PPP3CA: variants seen among roughly 807,000 people sequenced by gnomAD.
PPP3CA encodes the protein protein phosphatase 3 catalytic subunit alpha.
A neutral mutation model predicts 66.5 loss-of-function variants in PPP3CA; 14 were observed. The observed-to-expected ratio is 0.21, with a 90% CI of 0.14 to 0.33. The LOEUF (loss-of-function observed/expected upper bound fraction) is 0.33, where lower values mean the gene tolerates loss of function less well. PPP3CA is among the 10% of genes least tolerant of loss of function. PPP3CA has a pLI of 1.00. For missense variants in PPP3CA, 317 were observed against 639.5 expected (o/e 0.50, Z 5.44); for synonymous variants, 232 against 226.2 (o/e 1.03, Z -0.23).
chr4:101,228,391 TA>T (rs1261533948), intron 1 of PPP3CA, among the ~76,000 whole-genome samples: 1 of 151,510 alleles, frequency 6.6e-6, no homozygotes, highest in Non-Finnish European at 1.5e-5. Context: ...CCATAGCATA[TA>T]AATTTTTATA....
chr4:101,310,556 C>A (rs552787136), intron 1 of PPP3CA, among the ~76,000 whole-genome samples: 1 of 152,204 alleles, frequency 6.6e-6, no homozygotes, highest in Non-Finnish European at 1.5e-5. Flanking sequence ...ACCCATAGTT[C>A]TAGCTACTCA....
chr4:101,127,856 G>C (rs1443966579), intron 2 of PPP3CA, among the ~76,000 whole-genome samples: 1 of 152,200 alleles, frequency 6.6e-6, no homozygotes, highest in East Asian at 1.9e-4. Flanking sequence ...CATAGGAGGT[G>C]AGTACAAGTA....
chr4:101,346,727 C>A lies in PPP3CA; in HGVS notation c.58+12G>T. The A allele has an allele frequency of 6.2e-7, 1 of 1,609,034 alleles. No individual in the cohort carries two copies. The highest frequency in any genetic ancestry group is 8.5e-7 in the Non-Finnish European group (1 of 1,178,108). ...ACACGGTGCACCCAGGCCACCGCGG[C>A]GCTCCGCTTACCTTTCACCACCCTG... On this transcript the variant is annotated intron_variant, in intron 1 of 13. Coordinates refer to ENST00000394854, the MANE Select transcript of PPP3CA (RefSeq NM_000944.5).
chr4:101,199,982 C>T (rs1358140413), intron 1 of PPP3CA, among the ~76,000 whole-genome samples: 2 of 152,126 alleles, frequency 1.3e-5, no homozygotes, highest in Non-Finnish European at 2.9e-5. Flanking sequence ...TCCTAGCCCT[C>T]ATTCTGGCTG....
chr4:101,074,869 T>A (rs1183730245), intron 8 of PPP3CA, among the ~76,000 whole-genome samples: 2 of 152,234 alleles, frequency 1.3e-5, no homozygotes, highest in Admixed American at 1.3e-4. Context: ...TAGTCTGTTC[T>A]CACGCTGCTA....
chr4:101,095,800 C>T (rs1367470560), intron 5 of PPP3CA, among the ~76,000 whole-genome samples: 1 of 151,974 alleles, frequency 6.6e-6, no homozygotes, highest in Non-Finnish European at 1.5e-5. Flanking sequence ...TACAGGCGCG[C>T]GCCACCATGC....
At chr4:101,263,592 A>G (rs1384587242) in intron 1 of PPP3CA, among the ~76,000 whole-genome samples, 1 of 105,518 alleles carries the variant, frequency 9.5e-6, no homozygotes, top group Non-Finnish European at 2.3e-5. Flanking sequence ...TTTGATATCT[A>G]GTGTTTTTTT....
chr4:101,069,412 T>A (rs931384123), intron 8 of PPP3CA, among the ~76,000 whole-genome samples: 3 of 152,232 alleles, frequency 2.0e-5, no homozygotes, highest in Non-Finnish European at 4.4e-5. Flanking sequence ...TCTCAACCTC[T>A]ATATACTTTA....
chr4:101,045,616 T>C (rs1303362806), intron 10 of PPP3CA, among the ~76,000 whole-genome samples: 12 of 152,142 alleles, frequency 7.9e-5, no homozygotes, highest in Non-Finnish European at 1.8e-4. Context: ...GGTCAGATGA[T>C]GGGTAAGAAG....
chr4:101,167,557 A>T (rs1723732398), intron 2 of PPP3CA, among the ~76,000 whole-genome samples: 1 of 152,200 alleles, frequency 6.6e-6, no homozygotes, highest in Non-Finnish European at 1.5e-5. Context: ...AGGCAGAAAG[A>T]TAACTAATAA....
chr4:101,051,231 G>T (rs1306709902), intron 10 of PPP3CA, among the ~76,000 whole-genome samples: 1 of 152,074 alleles, frequency 6.6e-6, no homozygotes, highest in Non-Finnish European at 1.5e-5. Flanking sequence ...AATGAAAATA[G>T]GAAAATCTCA....
chr4:101,128,448 T>G (rs956218614), intron 2 of PPP3CA, among the ~76,000 whole-genome samples: 1 of 151,994 alleles, frequency 6.6e-6, no homozygotes, highest in Non-Finnish European at 1.5e-5. Flanking sequence ...AATTTTTGAT[T>G]CCTGGGCAAG....
At chr4:101,165,519 C>T (rs891572407) in intron 2 of PPP3CA, among the ~76,000 whole-genome samples, 3 of 152,098 alleles carry the variant, frequency 2.0e-5, no homozygotes, top group Non-Finnish European at 4.4e-5. Flanking sequence ...ACCTCATTCT[C>T]AACTTATACA....
intron 5 of PPP3CA, 33 bp from the exon 6 acceptor site, chr4:101,093,948 T>A (rs1025004745): frequency 6.4e-7 from 1 of 1,554,868 alleles, no homozygotes; most frequent in Non-Finnish European, 8.7e-7. Context: ...AGCAAAATAC[T>A]AATCTTTGGA....
At chr4:101,219,293 CCCTT>C (rs1247308655) in intron 1 of PPP3CA, among the ~76,000 whole-genome samples, 1 of 151,936 alleles carries the variant, frequency 6.6e-6, no homozygotes, top group African/African-American at 2.4e-5. Context: ...AATCTATTCT[CCCTT>C]CACGAAGTAT....
intron 2 of PPP3CA, among the ~76,000 whole-genome samples, chr4:101,157,989 AATG>A (rs1209176549): frequency 2.0e-5 from 3 of 152,134 alleles, no homozygotes; most frequent in African/African-American, 7.2e-5. Flanking sequence ...TAATGAAAAT[AATG>A]ATGTCATATT....
intron 1 of PPP3CA, among the ~76,000 whole-genome samples, chr4:101,319,974 A>G (rs1042268402): frequency 1.3e-5 from 2 of 152,168 alleles, no homozygotes; most frequent in Admixed American, 6.6e-5. Context: ...TGAAGACTAT[A>G]TAAGATATTG....
At chr4:101,261,103 C>T (rs1726996313) in intron 1 of PPP3CA, among the ~76,000 whole-genome samples, 1 of 152,098 alleles carries the variant, frequency 6.6e-6, no homozygotes, top group Non-Finnish European at 1.5e-5. Context: ...TAGCTAAACA[C>T]TTTATGTGTA....
chr4:101,252,584 G>C (rs1726712112), intron 1 of PPP3CA, among the ~76,000 whole-genome samples: 1 of 152,104 alleles, frequency 6.6e-6, no homozygotes, highest in South Asian at 2.1e-4. Context: ...TTAACTATGT[G>C]CATCTATACA....
Sources: allele counts gnomAD v4.1 joint callset (sites outside exome capture counted in the v4.1 genomes callset), GRCh38; gene constraint gnomAD v4.1.1; transcripts MANE v1.5; gene names NCBI Gene and HGNC (gene_info 2026-07-23, HGNC 2026-07-21).